The following PCDH15 variants were observed in gnomAD, a reference collection of about 807,000 sequenced individuals.
PCDH15 encodes the protein protocadherin-15.
A neutral mutation model predicts 178.5 loss-of-function variants in PCDH15; 129 were observed. The observed-to-expected ratio is 0.72, with a 90% CI of 0.63 to 0.84. The LOEUF (loss-of-function observed/expected upper bound fraction) is 0.84. Ranked by LOEUF, PCDH15 falls within the 40% of genes least tolerant of loss-of-function variation. The pLI, the probability that PCDH15 is intolerant of heterozygous loss-of-function variation, is 0.00. For missense variants in PCDH15, 2,230 were observed against 2,099.9 expected, an observed-to-expected ratio of 1.06 and a Z score of -1.21; for synonymous variants, 800 against 732.0, an observed-to-expected ratio of 1.09 and a Z score of -1.50.
chr10:53,908,344 T>C (rs1448874743), intron 25 of PCDH15, among the ~76,000 whole-genome samples: 1 of 152,214 alleles, frequency 6.6e-6, no homozygotes, highest in Non-Finnish European at 1.5e-5. Context: ...AGGAATTAGA[T>C]GAGTTAAGAT....
intron 14 of PCDH15, among the ~76,000 whole-genome samples, chr10:54,149,673 T>G (rs1313957093): frequency 2.0e-5 from 3 of 152,066 alleles, no homozygotes; most frequent in Non-Finnish European, 4.4e-5. Flanking sequence ...TTACTCAGAG[T>G]GAGGTGTGAA....
intron 13 of PCDH15, among the ~76,000 whole-genome samples, chr10:54,159,412 A>C (rs1401783024): frequency 6.6e-6 from 1 of 152,176 alleles, no homozygotes; most frequent in Non-Finnish European, 1.5e-5. Flanking sequence ...AGACCCATAC[A>C]GAAGAAGACA....
rs189617332 is a variant in PCDH15 at position 54,569,481 on chromosome 10, A to G, written c.92-41604T>C. Among the ~76,000 whole-genome samples, 52 of 152,324 alleles carry G rather than the reference A, an allele frequency of 3.4e-4. No homozygotes were observed. In the East Asian group the frequency reaches 6.4e-3, roughly 19 times the overall value. On this transcript the variant is annotated intron_variant, in intron 2 of 37. Transcript: ENST00000644397. The stretch of plus-strand genomic sequence containing the variant: ...CTTTTTCCAAAATGTTAAAATCATT[A>G]GTACACAAAAGTCATTACTACGTTA...
At chr10:54,058,087 T>C (rs10763061) in intron 18 of PCDH15, among the ~76,000 whole-genome samples, 90,828 of 151,598 alleles carry the variant, frequency 0.6, 27,330 homozygotes, top group Middle Eastern at 0.74. Context: ...TTCCTGCCTT[T>C]TGAGCCCTCC....
At chr10:54,731,613 T>C (rs1943417978) in intron 1 of PCDH15, among the ~76,000 whole-genome samples, 1 of 138,130 alleles carries the variant, frequency 7.2e-6, no homozygotes, top group Non-Finnish European at 1.6e-5. Flanking sequence ...TAGTTGAATA[T>C]TGTTAAGTCA....
intron 3 of PCDH15, among the ~76,000 whole-genome samples, chr10:54,847,218 C>T (rs1372910625): frequency 6.6e-6 from 1 of 151,296 alleles, no homozygotes; most frequent in African/African-American, 2.5e-5. Context: ...TTTCTGCTAT[C>T]TTTTAATCTA....
chr10:54,238,748 C>A (rs1009417722), intron 8 of PCDH15, among the ~76,000 whole-genome samples: 1 of 147,902 alleles, frequency 6.8e-6, no homozygotes, highest in African/African-American at 2.5e-5. Context: ...GTATGCAATA[C>A]CTGTATTTCT....
At chr10:53,906,602 T>G (rs1254041936) in intron 25 of PCDH15, among the ~76,000 whole-genome samples, 1 of 152,164 alleles carries the variant, frequency 6.6e-6, no homozygotes, top group Non-Finnish European at 1.5e-5. Flanking sequence ...TATGATTAAC[T>G]GAAACAAAAA....
chr10:54,742,942 C>A (rs1358751032), intron 1 of PCDH15, among the ~76,000 whole-genome samples: 1 of 151,966 alleles, frequency 6.6e-6, no homozygotes, highest in East Asian at 1.9e-4. Context: ...CAATGTCTTA[C>A]AATATTCACC....
intron 17 of PCDH15, among the ~76,000 whole-genome samples, chr10:54,069,570 T>TATAA (rs1187808737): frequency 1.9e-4 from 29 of 152,348 alleles, no homozygotes; most frequent in Admixed American, 4.6e-4. Context: ...ATATATTTCT[T>TATAA]GAAGTTTTTT....
At chr10:55,176,608 T>C (rs1287199872) in intron 1 of PCDH15, among the ~76,000 whole-genome samples, 1 of 152,152 alleles carries the variant, frequency 6.6e-6, no homozygotes, top group African/African-American at 2.4e-5. Context: ...ACCCTTGTAA[T>C]GCCCTGATAT....
intron 21 of PCDH15, among the ~76,000 whole-genome samples, chr10:53,969,258 G>C (rs1252092507): frequency 6.6e-6 from 1 of 152,174 alleles, no homozygotes; most frequent in African/African-American, 2.4e-5. Flanking sequence ...AAGGGTATCA[G>C]TGATTGAAGA....
chr10:53,823,706 G>T lies in PCDH15; in HGVS notation c.4368-3476C>A, dbSNP rs966683542. On this transcript the variant is annotated intron_variant, in intron 32 of 37. Transcript: ENST00000644397. ...ACAGTTCCCTTATGCACAAATCACA[G>T]TTCTTCCCATTGCAGAACACCATCC... 41 of 468,848 alleles carry T rather than the reference G, an allele frequency of 8.7e-5. 1 individual carries two copies. The highest frequency in any genetic ancestry group is 3.2e-4 in the Middle Eastern group (1 of 3,124). The allele number at this position is 468,848 out of a possible 1,614,324, so 29.0% of individuals were successfully genotyped here. A position where few individuals can be genotyped will look rare whatever the true frequency, so the allele number is the denominator to read the frequency against.
intron 2 of PCDH15, among the ~76,000 whole-genome samples, chr10:55,398,189 T>G (rs752278350): frequency 2.0e-5 from 3 of 151,476 alleles, no homozygotes; most frequent in African/African-American, 4.9e-5. Context: ...AAAAATCCCT[T>G]AGTGTTTCCC....
intron 2 of PCDH15, among the ~76,000 whole-genome samples, chr10:55,052,447 C>T (rs1163206182): frequency 6.9e-6 from 1 of 144,170 alleles, no homozygotes; most frequent in East Asian, 2.2e-4. Flanking sequence ...TGCCTGTAAT[C>T]CCAGCACTTT....
chr10:53,986,197 A>G (rs1030352906), intron 21 of PCDH15, among the ~76,000 whole-genome samples: 9 of 152,230 alleles, frequency 5.9e-5, no homozygotes, highest in African/African-American at 2.2e-4. Context: ...CACTCGACAT[A>G]CAAATGGCCA....
chr10:54,438,970 AC>A (rs2075618658), intron 3 of PCDH15, among the ~76,000 whole-genome samples: 1 of 152,112 alleles, frequency 6.6e-6, no homozygotes, highest in African/African-American at 2.4e-5. Flanking sequence ...TTGTAGAGTC[AC>A]AGAACTTGTC....
intron 2 of PCDH15, among the ~76,000 whole-genome samples, chr10:55,339,892 G>T (rs1377816866): frequency 6.6e-6 from 1 of 151,400 alleles, no homozygotes; most frequent in African/African-American, 2.4e-5. Flanking sequence ...TAAGGAGGGA[G>T]CTTGCTCCAC....
intron 8 of PCDH15, among the ~76,000 whole-genome samples, chr10:54,303,619 A>G (rs966287542): frequency 5.3e-5 from 8 of 152,234 alleles, no homozygotes; most frequent in Admixed American, 3.3e-4. Context: ...TTAAGGACCA[A>G]ATGTGTGTTA....
Sources: allele counts gnomAD v4.1 joint callset (sites outside exome capture counted in the v4.1 genomes callset), GRCh38; gene constraint gnomAD v4.1.1; transcripts MANE v1.5; gene names NCBI Gene and HGNC (gene_info 2026-07-23, HGNC 2026-07-21).